DNAH9: variants seen among roughly 807,000 people sequenced by gnomAD.
DNAH9 encodes dynein axonemal heavy chain 9, also known as DNAH9 variant protein.
In DNAH9, 345 loss-of-function variants were observed where a neutral mutation model predicts 471.6. That is an observed-to-expected ratio of 0.73 (90% CI 0.67 to 0.80). The LOEUF is 0.80. Among genes scored for constraint, DNAH9 ranks in the 30% least tolerant of loss-of-function variants. The probability of loss-of-function intolerance (pLI) is 0.00; values close to 1 mark genes in which losing one functional copy is unlikely to be tolerated. For missense variants in DNAH9, 5,407 were observed against 5,609.2 expected, an observed-to-expected ratio of 0.96 and a Z score of 1.15; for synonymous variants, 2,093 against 2,123.6, an observed-to-expected ratio of 0.99 and a Z score of 0.40.
chr17:11,946,619 C>A (rs1387342398), intron 67 of DNAH9, among the ~76,000 whole-genome samples: 3 of 144,220 alleles, frequency 2.1e-5, no homozygotes, highest in Non-Finnish European at 4.5e-5. Context: ...AGCCAAGATG[C>A]CACCACTGCA....
At chr17:11,914,718 T>G (rs185982925) in intron 61 of DNAH9, among the ~76,000 whole-genome samples, 65 of 152,314 alleles carry the variant, frequency 4.3e-4, no homozygotes, top group African/African-American at 1.5e-3. Context: ...TTATATTCTT[T>G]CTTTGTTTCT....
chr17:11,818,516 AT>A (rs1029522333), intron 45 of DNAH9, among the ~76,000 whole-genome samples: 35 of 152,094 alleles, frequency 2.3e-4, no homozygotes, highest in Non-Finnish European at 8.8e-5. Context: ...TGATGCTAAC[AT>A]TTCTGTCAGT....
rs2074299299 is a variant in DNAH9, at chr17:11,689,696, C to A, written c.3874C>A (p.Leu1292Met). 4.3e-6 allele frequency: 7 copies of A among 1,614,058 alleles called. No homozygotes were observed. In the East Asian group the frequency reaches 1.6e-4, roughly 36 times the overall value. Residue 1292 changes from leucine (L) to methionine (M), a missense_variant, in exon 20 of 69, where the codon CTG becomes ATG. Leu to Met is a conservative substitution (Grantham distance 15). Around this residue, in one of 3 missense-constraint regions of DNAH9, gnomAD observed 4,636 missense variants for 4,900.3 expected, o/e 0.95. Transcript: ENST00000262442. ...AGTCAATGTCCCTGACTATAAGCAG[C>A]TGAGGCAGTGCAGGAAGGAGGTCTG... ...FEVNVPDYKQ[L>M]RQCRKEVCQL... is the part of the protein sequence containing the mutation.
intron 53 of DNAH9, among the ~76,000 whole-genome samples, chr17:11,877,199 G>C (rs556783905): frequency 6.6e-6 from 1 of 151,444 alleles, no homozygotes; most frequent in African/African-American, 2.4e-5. Context: ...GCAGCTGGGC[G>C]CAGTGGCTCG....
chr17:11,690,107 A>G lies in DNAH9; in HGVS notation c.4285A>G (p.Lys1429Glu), dbSNP rs1166420881. ...EVRGIVDKAAKEMGMEKTLKE... is the reference protein window; with the variant it reads ...EVRGIVDKAAEEMGMEKTLKE... ...CCGGGGCATTGTGGACAAAGCTGCA[A>G]AAGAGATGGGTATGGAGAAAACCTT... Residue 1429 changes from lysine (K) to glutamate (E), a missense_variant, in exon 20 of 69, where the codon AAA (lysine) becomes GAA (glutamate). Physicochemically the swap from Lys to Glu is moderately conservative, Grantham distance 56. Around this residue, in one of 3 missense-constraint regions of DNAH9, gnomAD observed 4,636 missense variants for 4,900.3 expected, o/e 0.95. Transcript: ENST00000262442. The G allele has an allele frequency of 6.2e-7, 1 of 1,614,182 alleles. No individual in the cohort carries two copies. Among genetic ancestry groups the G allele is most frequent in the Non-Finnish European group, 8.5e-7 (1 of 1,180,016 alleles).
At chr17:11,712,613 T>A (rs1597524324) in intron 26 of DNAH9, among the ~76,000 whole-genome samples, 1 of 152,280 alleles carries the variant, frequency 6.6e-6, no homozygotes, top group South Asian at 2.1e-4. Flanking sequence ...TTTATAGCCA[T>A]TCTGGTGGCT....
chr17:11,756,529 C>T lies in DNAH9; in HGVS notation c.6739-39C>T, dbSNP rs1198359387. The T allele has an allele frequency of 3.3e-6, 4 of 1,220,134 alleles. No homozygotes were observed. In the South Asian group the frequency reaches 4.8e-5, roughly 15 times the overall value. The allele number at this position is 1,220,134 out of a possible 1,614,324, so 75.6% of individuals were successfully genotyped here. On this transcript the variant is annotated intron_variant, in intron 33 of 68. Transcript: ENST00000262442. ...CCCCACAGGCTGGCAAGGCACCTCCCTCCTTCCTCACTGGCATGCCCTTCC... is the reference window on the plus strand; with the variant it reads ...CCCCACAGGCTGGCAAGGCACCTCCTTCCTTCCTCACTGGCATGCCCTTCC...
intron 7 of DNAH9, 64 bp downstream of exon 7, chr17:11,629,648 G>T: frequency 6.9e-7 from 1 of 1,440,276 alleles, no homozygotes. Context: ...CATCTGTAGG[G>T]TCTAGGTATT....
chr17:11,798,432 CAAAAAAA>C (rs71142247), intron 43 of DNAH9, among the ~76,000 whole-genome samples: 4 of 61,622 alleles, frequency 6.5e-5, no homozygotes, highest in African/African-American at 1.3e-4. Flanking sequence ...GACTCTGCCT[CAAAAAAA>C]AAAAAAAAAA....
Position 11,647,072 on chromosome 17 carries a change from G to A in DNAH9, c.1971G>A (p.Lys657=), listed in dbSNP as rs1170181224. The change falls in exon 12 of 69, where the codon AAG becomes AAA. Residue 657 remains lysine (K), a splice_region_variant and synonymous_variant. Coordinates refer to ENST00000262442, the MANE Select transcript of DNAH9 (RefSeq NM_001372.4). ...TGGCTGTTGTCTCTGACCCTTGCAG[G>A]TATGAGACAAGACTTTATGAGGATT... The part of the protein sequence containing the change: ...KYEDMLSLLE[K]YETRLYEDWC... The A allele has an allele frequency of 3.1e-6, 5 of 1,613,778 alleles. No individual in the cohort carries two copies. The highest frequency in any genetic ancestry group is 1.7e-4 in the Middle Eastern group (1 of 6,060).
At chr17:11,852,389 G>A (rs1971454294) in intron 49 of DNAH9, among the ~76,000 whole-genome samples, 1 of 152,084 alleles carries the variant, frequency 6.6e-6, no homozygotes, top group African/African-American at 2.4e-5. Flanking sequence ...TCTTTCACCT[G>A]GCAGACAGCC....
At chr17:11,669,331 C>A in intron 16 of DNAH9, 39 bp from the exon 17 acceptor site, 1 of 1,597,892 alleles carries the variant, frequency 6.3e-7, no homozygotes, top group Admixed American at 1.7e-5. Context: ...TCCTGCCACA[C>A]ACTGGTGTAA....
In DNAH9 at chr17:11,919,320, C is replaced by G. The variant is rs1004415656; in HGVS notation, c.11750-4494C>G. 3.3e-5 allele frequency among the ~76,000 whole-genome samples: 5 copies of G among 151,606 alleles called. No individual in the cohort carries two copies. The South Asian group carries it at 1.0e-3, about 32-fold the overall frequency. On this transcript the variant is annotated intron_variant, in intron 61 of 68. Transcript: ENST00000262442. Reference sequence around the variant, plus strand: ...ACCATCCTGGCTAACACGGTGAAACCCTATCTCTACTAAAAATACAAAAAA... The same window carrying G: ...ACCATCCTGGCTAACACGGTGAAACGCTATCTCTACTAAAAATACAAAAAA...
chr17:11,939,052 A>C (rs1225804065), intron 66 of DNAH9, among the ~76,000 whole-genome samples: 1 of 152,230 alleles, frequency 6.6e-6, no homozygotes, highest in Non-Finnish European at 1.5e-5. Context: ...GAGTCATGTC[A>C]TCAAAATAGT....
chr17:11,736,107 A>G (rs2075342221), intron 28 of DNAH9, among the ~76,000 whole-genome samples: 1 of 152,188 alleles, frequency 6.6e-6, no homozygotes, highest in Non-Finnish European at 1.5e-5. Flanking sequence ...TAATGCTAAC[A>G]TCTTACATAA....
chr17:11,711,886 TTATATA>T lies in DNAH9; in HGVS notation c.5552+6704_5552+6709del, dbSNP rs1351005550. On this transcript the variant is annotated intron_variant, in intron 26 of 68. Coordinates refer to ENST00000262442, the MANE Select transcript of DNAH9 (RefSeq NM_001372.4). ...TTATTATATATATTTGTATATATAT[TTATATA>T]TAAATATATATATTTGTATATATAT... is the stretch of plus-strand genomic sequence containing the variant. Among the ~76,000 whole-genome samples, 25 of 9,640 alleles carry T rather than the reference TTATATA, an allele frequency of 2.6e-3. 2 individuals carry two copies. The highest frequency in any genetic ancestry group is 0.019 in the Non-Finnish European group (18 of 940). The allele number at this position is 9,640 out of a possible 152,430, so 6.3% of individuals were successfully genotyped here.
chr17:11,879,986 A>C, intron 53 of DNAH9, 92 bp from the exon 54 acceptor site: 5 of 1,452,438 alleles, frequency 3.4e-6, no homozygotes, highest in Non-Finnish European at 4.7e-6. Context: ...CTATACCACC[A>C]TGTCTTAGAG....
intron 17 of DNAH9, among the ~76,000 whole-genome samples, chr17:11,672,375 G>T (rs990091977): frequency 3.9e-5 from 6 of 152,104 alleles, no homozygotes; most frequent in African/African-American, 1.4e-4. Context: ...GCTCCCTTCT[G>T]AGGACACTGC....
intron 38 of DNAH9, among the ~76,000 whole-genome samples, chr17:11,777,040 T>C (rs1026273574): frequency 4.1e-4 from 63 of 152,372 alleles, no homozygotes; most frequent in African/African-American, 1.3e-3. Context: ...TTATGCCTTC[T>C]GTAAAATCTC....
Sources: allele counts gnomAD v4.1 joint callset (sites outside exome capture counted in the v4.1 genomes callset), GRCh38; gene constraint gnomAD v4.1.1; regional missense constraint gnomAD v4.1.1; transcripts MANE v1.5; gene names NCBI Gene and HGNC (gene_info 2026-07-23, HGNC 2026-07-21).